TP63: variants seen among roughly 807,000 people sequenced by gnomAD.
TP63 encodes the protein tumor protein p63.
In TP63, 17 loss-of-function variants were observed where a neutral mutation model predicts 82.8. The ratio of observed to expected loss-of-function variants is 0.21; its 90% confidence interval spans 0.14 to 0.31. The LOEUF (loss-of-function observed/expected upper bound fraction) is 0.31. TP63 is among the 10% of genes least tolerant of loss of function. TP63 has a pLI of 1.00. For synonymous variants in TP63, 330 were observed against 321.7 expected, an observed-to-expected ratio of 1.03 and a Z score of -0.28; for missense variants, 648 against 895.3, an observed-to-expected ratio of 0.72 and a Z score of 3.52.
chr3:189,677,083 G>A (rs1276751031), intron 1 of TP63, among the ~76,000 whole-genome samples: 1 of 150,476 alleles, frequency 6.6e-6, no homozygotes, highest in Non-Finnish European at 1.5e-5. Context: ...ATGGTATTTG[G>A]CTTTCTGTTT....
intron 1 of TP63, among the ~76,000 whole-genome samples, chr3:189,702,020 C>G (rs1440457855): frequency 6.6e-6 from 1 of 152,144 alleles, no homozygotes; most frequent in East Asian, 1.9e-4. Flanking sequence ...AATGCATTAT[C>G]TTAGGGAGCC....
chr3:189,646,325 A>G (rs967533958), intron 1 of TP63, among the ~76,000 whole-genome samples: 1 of 146,832 alleles, frequency 6.8e-6, no homozygotes, highest in Admixed American at 6.7e-5. Flanking sequence ...GGTGTAGGGT[A>G]TGCGTTTTAC....
At chr3:189,824,550 G>T (rs1729136905) in intron 4 of TP63, among the ~76,000 whole-genome samples, 1 of 152,026 alleles carries the variant, frequency 6.6e-6, no homozygotes, top group Non-Finnish European at 1.5e-5. Flanking sequence ...TTCCAATTAG[G>T]CTGTGCCGGG....
intron 10 of TP63, among the ~76,000 whole-genome samples, chr3:189,874,933 A>C (rs1405895819): frequency 1.3e-5 from 2 of 151,624 alleles, no homozygotes; most frequent in Admixed American, 1.3e-4. Context: ...AAACATCACT[A>C]AGTAATATAT....
chr3:189,737,796 T>C lies in TP63; in HGVS notation c.119T>C (p.Met40Thr), dbSNP rs779859382. ...AAAGAAAGTTATTACCGATCCACCATGTCCCAGAGCACACAGACAAATGAA... is the reference window on the plus strand; with the variant it reads ...AAAGAAAGTTATTACCGATCCACCACGTCCCAGAGCACACAGACAAATGAA... Reference protein sequence around the residue: ...SWKESYYRSTMSQSTQTNEFL... With the variant: ...SWKESYYRSTTSQSTQTNEFL... The change falls in exon 2 of 14, where the codon ATG becomes ACG. Residue 40 changes from methionine to threonine, a missense_variant. Met to Thr is a moderately conservative substitution (Grantham distance 81). Coordinates refer to ENST00000264731, the MANE Select transcript of TP63 (RefSeq NM_003722.5). 3.1e-6 allele frequency: 5 copies of C among 1,614,048 alleles called. No individual in the cohort carries two copies. The highest frequency in any genetic ancestry group is 1.7e-4 in the Middle Eastern group (1 of 6,058).
chr3:189,842,221 GGAGAGA>G (rs113554185), intron 4 of TP63, among the ~76,000 whole-genome samples: 1 of 149,500 alleles, frequency 6.7e-6, no homozygotes, highest in Non-Finnish European at 1.5e-5. Context: ...TCTTCTGTCT[GGAGAGA>G]GAGAGAGAGA....
intron 1 of TP63, among the ~76,000 whole-genome samples, chr3:189,703,737 A>G (rs916306302): frequency 8.5e-5 from 13 of 152,230 alleles, no homozygotes; most frequent in African/African-American, 2.9e-4. Context: ...GAAAATTTAG[A>G]GCAATTTCAT....
chr3:189,875,219 T>C (rs1209802079), intron 10 of TP63, among the ~76,000 whole-genome samples: 8 of 152,054 alleles, frequency 5.3e-5, no homozygotes, highest in Non-Finnish European at 8.8e-5. Context: ...TTGAATTTCA[T>C]ATAATTTTCA....
At chr3:189,859,152 T>C (rs1176573039) in intron 4 of TP63, among the ~76,000 whole-genome samples, 1 of 152,176 alleles carries the variant, frequency 6.6e-6, no homozygotes. Context: ...ATGATAAATG[T>C]TTAAGGCGAT....
At chr3:189,867,573 T>A (rs988711011) in intron 6 of TP63, among the ~76,000 whole-genome samples, 8 of 152,328 alleles carry the variant, frequency 5.3e-5, no homozygotes, top group Middle Eastern at 3.4e-3. Flanking sequence ...TGGATCAGCT[T>A]ACAAACGAAC....
chr3:189,791,419 T>G (rs1337304814), intron 3 of TP63, among the ~76,000 whole-genome samples: 1 of 152,118 alleles, frequency 6.6e-6, no homozygotes, highest in African/African-American at 2.4e-5. Context: ...AGAGGATATT[T>G]GTAGAAATTA....
intron 3 of TP63, among the ~76,000 whole-genome samples, chr3:189,762,190 C>A (rs1351133566): frequency 6.6e-6 from 1 of 152,186 alleles, no homozygotes; most frequent in Non-Finnish European, 1.5e-5. Context: ...AATAGAGATT[C>A]TTTACAGATG....
At chr3:189,811,442 A>G (rs1412999286) in intron 4 of TP63, among the ~76,000 whole-genome samples, 1 of 152,054 alleles carries the variant, frequency 6.6e-6, no homozygotes, top group Non-Finnish European at 1.5e-5. Flanking sequence ...ATTTTTATTA[A>G]ATTTCTTTCT....
At chr3:189,786,240 G>T (rs78097677) in intron 3 of TP63, among the ~76,000 whole-genome samples, 15,301 of 151,884 alleles carry the variant, frequency 0.1, 964 homozygotes, top group East Asian at 0.32. Flanking sequence ...TAAAAGACTT[G>T]CATGTGAAAA....
At chr3:189,608,257 A>C in the TP63 span, among the ~76,000 whole-genome samples, 1 of 152,032 alleles carries the variant, frequency 6.6e-6, no homozygotes, top group East Asian at 1.9e-4. Flanking sequence ...GTATAACATC[A>C]GACTGAGTAA....
the TP63 span, among the ~76,000 whole-genome samples, chr3:189,597,377 C>G: frequency 2.0e-5 from 3 of 151,916 alleles, no homozygotes. Flanking sequence ...TACACATAGT[C>G]CAAAACCAGT....
intron 3 of TP63, among the ~76,000 whole-genome samples, chr3:189,779,319 G>A (rs1724051498): frequency 6.6e-6 from 1 of 152,088 alleles, no homozygotes; most frequent in African/African-American, 2.4e-5. Flanking sequence ...AGCCTCCATA[G>A]GCCAGAAGAT....
intron 13 of TP63, among the ~76,000 whole-genome samples, chr3:189,891,166 T>C (rs1008425812): frequency 6.6e-6 from 1 of 152,182 alleles, no homozygotes; most frequent in African/African-American, 2.4e-5. Flanking sequence ...ATTCCCGCAA[T>C]CAAAACATTC....
At chr3:189,845,946 T>C (rs1214631295) in intron 4 of TP63, among the ~76,000 whole-genome samples, 1 of 151,514 alleles carries the variant, frequency 6.6e-6, no homozygotes, top group African/African-American at 2.4e-5. Context: ...CAGGGAGGGT[T>C]TTGATTCTAC....
Sources: allele counts gnomAD v4.1 joint callset (sites outside exome capture counted in the v4.1 genomes callset), GRCh38; gene constraint gnomAD v4.1.1; transcripts MANE v1.5; gene names NCBI Gene and HGNC (gene_info 2026-07-23, HGNC 2026-07-21).